Variants in ACTN4 observed in about 807,000 individuals in gnomAD.
ACTN4 encodes alpha-actinin-4.
ACTN4 carries 18 observed loss-of-function variants against 114.2 expected under a neutral mutation model. The observed-to-expected ratio is 0.16, with a 90% CI of 0.11 to 0.23. The LOEUF (loss-of-function observed/expected upper bound fraction) is 0.23. ACTN4 is among the 10% of genes least tolerant of loss of function. The pLI is 1.00. For missense variants in ACTN4, 722 were observed against 1,262.9 expected (o/e 0.57, Z 6.49); for synonymous variants, 515 against 506.3 (o/e 1.02, Z -0.23).
Position 38,729,541 on chromosome 19 carries a change from C to T in ACTN4, c.*109C>T, listed in dbSNP as rs1969402298. 2.8e-6 allele frequency: 1 copy of T among 360,110 alleles called. No individual in the cohort carries two copies. Among genetic ancestry groups the T allele is most frequent in the East Asian group, 1.5e-4 (1 of 6,806 alleles). 22.3% of individuals were successfully genotyped at this position (360,110 alleles called of 1,614,324 possible). A position where few individuals can be genotyped will look rare whatever the true frequency, so the allele number is the denominator to read the frequency against. On this transcript the variant is annotated 3_prime_UTR_variant, in exon 21 of 21. Transcript: ENST00000252699. ...TCTATGCAAAGCACTCTCTGCAGTC[C>T]TCCGGGGTGGGTGGGTGGGCAGGGA...
chr19:38,657,102 A>G (rs1976733373), intron 1 of ACTN4, among the ~76,000 whole-genome samples: 2 of 151,582 alleles, frequency 1.3e-5, no homozygotes, highest in Non-Finnish European at 1.5e-5. Context: ...CAGCCTCCCT[A>G]GTAGCTGGGA....
At position 38,727,176 on chromosome 19, in the gene ACTN4, A is replaced by C; in HGVS notation, c.2337+73A>C. Reference sequence around the variant, plus strand: ...TACCAGCCCACACCTTCGTCTCTGCATCTGTTCGTCCATTCCCATCACAGT... The same window carrying C: ...TACCAGCCCACACCTTCGTCTCTGCCTCTGTTCGTCCATTCCCATCACAGT... On this transcript the variant is annotated intron_variant, in intron 18 of 20. Coordinates refer to ENST00000252699, the MANE Select transcript of ACTN4 (RefSeq NM_004924.6). This position sits in a 1 kb window ranked among gnomAD's most constrained non-coding sequence, Gnocchi z 5.4. 6.2e-7 allele frequency: 1 copy of C among 1,607,520 alleles called. No homozygotes were observed. Among genetic ancestry groups the C allele is most frequent in the Non-Finnish European group, 8.5e-7 (1 of 1,176,388 alleles).
At chr19:38,655,495 T>C (rs150512595) in intron 1 of ACTN4, among the ~76,000 whole-genome samples, 4 of 152,248 alleles carry the variant, frequency 2.6e-5, no homozygotes, top group Non-Finnish European at 5.9e-5. Context: ...ATTTTCCATG[T>C]GTGTATGTCA....
intron 3 of ACTN4, 121 bp from the exon 4 acceptor site, chr19:38,704,813 A>G (rs1453895163): frequency 7.3e-6 from 6 of 827,552 alleles, no homozygotes; most frequent in African/African-American, 5.0e-5. Flanking sequence ...GGGAGATGCA[A>G]CCAGGGGGTG....
Position 38,731,141 on chromosome 19 carries a change from G to T in ACTN4, c.*1709G>T. The T allele has an allele frequency of 6.2e-7, 1 of 1,612,968 alleles. No homozygotes were observed. Among genetic ancestry groups the T allele is most frequent in the Non-Finnish European group, 8.5e-7 (1 of 1,179,954 alleles). On this transcript the variant is annotated 3_prime_UTR_variant, in exon 21 of 21. Coordinates refer to ENST00000252699, the MANE Select transcript of ACTN4 (RefSeq NM_004924.6). ...AGGTGAGGTGGGCCACACAGGACACGAACCGCTCGAAGTCCACACGCAGAC... is the reference window on the plus strand; with the variant it reads ...AGGTGAGGTGGGCCACACAGGACACTAACCGCTCGAAGTCCACACGCAGAC...
At chr19:38,708,057 A>G (rs1968518665) in intron 5 of ACTN4, 60 bp from the exon 6 acceptor site, 1 of 1,542,236 alleles carries the variant, frequency 6.5e-7, no homozygotes, top group African/African-American at 1.4e-5. Flanking sequence ...GCACAGGGCC[A>G]TACGGCACTC....
chr19:38,708,608 T>C (rs142720554), intron 6 of ACTN4, among the ~76,000 whole-genome samples: 98 of 152,266 alleles, frequency 6.4e-4, no homozygotes, highest in African/African-American at 2.2e-3. Flanking sequence ...ACAAAGCCTG[T>C]ATGGATCCAG....
intron 11 of ACTN4, among the ~76,000 whole-genome samples, chr19:38,719,059 G>A (rs1056799310): frequency 6.6e-6 from 1 of 152,230 alleles, no homozygotes; most frequent in Non-Finnish European, 1.5e-5. Flanking sequence ...GAGCGCCACT[G>A]TGCTTTCTGT....
At chr19:38,684,557 C>T (rs541415455) in intron 1 of ACTN4, among the ~76,000 whole-genome samples, 2 of 152,358 alleles carry the variant, frequency 1.3e-5, no homozygotes, top group South Asian at 4.1e-4. Context: ...CTCCTGGAGA[C>T]AGCCACCCCT....
intron 19 of ACTN4, chr19:38,728,275 T>G: frequency 6.5e-7 from 1 of 1,534,238 alleles, no homozygotes; most frequent in Non-Finnish European, 8.8e-7. Flanking sequence ...TTGCCTACTC[T>G]GGGCCCGGCC....
In ACTN4 at chr19:38,717,160, G is replaced by A; in HGVS notation, c.987G>A (p.Gln329=). Reference sequence around the variant, plus strand: ...CCCAAAAGACTATCCAGGAGATGCAGCAGAAGCTGGAGGACTTCCGCGACT... The same window carrying A: ...CCCAAAAGACTATCCAGGAGATGCAACAGAAGCTGGAGGACTTCCGCGACT... The part of the protein sequence containing the change: ...RVPQKTIQEM[Q]QKLEDFRDYR... The change falls in exon 10 of 21, where the codon CAG becomes CAA. Residue 329 remains glutamine, a synonymous_variant. Transcript: ENST00000252699. The surrounding 1 kb of genome is among the most constrained non-coding windows in gnomAD (Gnocchi z 4.0). The A allele has an allele frequency of 6.2e-7, 1 of 1,614,258 alleles. No individual in the cohort carries two copies. The highest frequency in any genetic ancestry group is 2.2e-5 in the East Asian group (1 of 44,890).
At chr19:38,720,092 A>T (rs1968985518) in intron 11 of ACTN4, among the ~76,000 whole-genome samples, 1 of 152,218 alleles carries the variant, frequency 6.6e-6, no homozygotes. Context: ...GTGAAACAGG[A>T]CAGGCAGGCC....
At position 38,724,304 on chromosome 19, in the gene ACTN4, G is replaced by A. The variant is rs564122319; in HGVS notation, c.1840G>A (p.Val614Ile). ...KLSGSNPYTT[V>I]TPQIINSKWE... ...GTCGGGCAGCAACCCCTACACCACCGTCACCCCGCAAATCATCAACTCCAA... is the reference window on the plus strand; with the variant it reads ...GTCGGGCAGCAACCCCTACACCACCATCACCCCGCAAATCATCAACTCCAA... The change falls in exon 15 of 21, where the codon GTC becomes ATC. Residue 614 changes from valine to isoleucine, a missense_variant. Physicochemically the swap from Val to Ile is conservative, Grantham distance 29. This residue lies in a region of ACTN4 where 523 missense variants were observed against 875.9 expected (regional missense o/e 0.60). Transcript: ENST00000252699. The surrounding 1 kb of genome is among the most constrained non-coding windows in gnomAD (Gnocchi z 7.0). 1.4e-5 allele frequency: 23 copies of A among 1,613,638 alleles called. No individual in the cohort carries two copies. Among genetic ancestry groups the A allele is most frequent in the Middle Eastern group, 3.3e-4 (2 of 6,082 alleles).
intron 8 of ACTN4, among the ~76,000 whole-genome samples, 195 bp from the exon 9 acceptor site, chr19:38,714,274 G>A (rs1968766244): frequency 6.6e-6 from 1 of 152,226 alleles, no homozygotes. Flanking sequence ...GGACCCAGGG[G>A]CATTTTGCAG....
chr19:38,717,153 A>C lies in ACTN4; in HGVS notation c.980A>C (p.Glu327Ala), dbSNP rs1599845636. The C allele has an allele frequency of 6.2e-7, 1 of 1,614,258 alleles. No individual in the cohort carries two copies. Among genetic ancestry groups the C allele is most frequent in the African/African-American group, 1.3e-5 (1 of 75,070 alleles). ...EDRVPQKTIQ[E>A]MQQKLEDFRD... is the part of the protein sequence containing the mutation. Reference sequence around the variant, plus strand: ...CGTGTGCCCCAAAAGACTATCCAGGAGATGCAGCAGAAGCTGGAGGACTTC... The same window carrying C: ...CGTGTGCCCCAAAAGACTATCCAGGCGATGCAGCAGAAGCTGGAGGACTTC... Residue 327 changes from glutamate to alanine, a missense_variant, in exon 10 of 21, where the codon GAG (glutamate) becomes GCG (alanine). Physicochemically the swap from Glu to Ala is moderately radical, Grantham distance 107. Transcript: ENST00000252699. The surrounding 1 kb of genome is among the most constrained non-coding windows in gnomAD (Gnocchi z 4.0).
In ACTN4 at chr19:38,718,017, G is replaced by T; in HGVS notation, c.1234G>T (p.Asp412Tyr). 1 of 1,602,480 alleles carries T rather than the reference G, an allele frequency of 6.2e-7. No homozygotes were observed. Among genetic ancestry groups the T allele is most frequent in the South Asian group, 1.1e-5 (1 of 89,320 alleles). ...LNEIRRLERL[D>Y]HLAEKFRQKA... The stretch of plus-strand genomic sequence containing the variant: ...TGAGATCCGCAGGCTGGAGCGGCTC[G>T]ACCACCTGGCAGAGAAGTTCCGGCA... Residue 412 changes from aspartate to tyrosine, a missense_variant, in exon 11 of 21, where the codon GAC (aspartate) becomes TAC (tyrosine). Asp to Tyr is a radical substitution (Grantham distance 160, BLOSUM62 -3). Transcript: ENST00000252699.
At chr19:38,709,697 A>C (rs760734424) in intron 7 of ACTN4, among the ~76,000 whole-genome samples, 2 of 152,186 alleles carry the variant, frequency 1.3e-5, no homozygotes, top group Non-Finnish European at 2.9e-5. Context: ...AGATGCCTTC[A>C]GGGATGAAGA....
chr19:38,669,869 G>A, intron 1 of ACTN4, among the ~76,000 whole-genome samples: 1 of 152,112 alleles, frequency 6.6e-6, no homozygotes, highest in East Asian at 1.9e-4. Context: ...GACTCCTTGG[G>A]TAGCTGGAAG....
At position 38,673,561 on chromosome 19, in the gene ACTN4, A is replaced by ATATATTCATATATATTCATT. The variant is rs1568689869; in HGVS notation, c.162+25660_162+25661insCATATATATTCATTTATATT. 2.1e-5 allele frequency among the ~76,000 whole-genome samples: 2 copies of ATATATTCATATATATTCATT among 94,576 alleles called. 1 individual carries two copies. Among genetic ancestry groups the ATATATTCATATATATTCATT allele is most frequent in the African/African-American group, 7.2e-5 (2 of 27,816 alleles). 62.0% of individuals were successfully genotyped at this position (94,576 alleles called of 152,430 possible). A position where few individuals can be genotyped will look rare whatever the true frequency, so the allele number is the denominator to read the frequency against. ...CTTATATATATTTATATATACTTAT[A>ATATATTCATATATATTCATT]TATATTTATATATATTCATATATAT... On this transcript the variant is annotated intron_variant, in intron 1 of 20. Transcript: ENST00000252699.
Sources: allele counts gnomAD v4.1 joint callset (sites outside exome capture counted in the v4.1 genomes callset), GRCh38; gene constraint gnomAD v4.1.1; regional missense constraint gnomAD v4.1.1; non-coding constraint Gnocchi (gnomAD v3.1); transcripts MANE v1.5; gene names NCBI Gene and HGNC (gene_info 2026-07-23, HGNC 2026-07-21).